KLF12: variants seen among roughly 807,000 people sequenced by gnomAD.
KLF12 encodes Krueppel-like factor 12.
A neutral mutation model predicts 37.8 loss-of-function variants in KLF12; 9 were observed. The ratio of observed to expected loss-of-function variants is 0.24; its 90% CI spans 0.14 to 0.42. The LOEUF (loss-of-function observed/expected upper bound fraction) is 0.42, where lower values mean the gene tolerates loss of function less well. Ranked by LOEUF, KLF12 falls within the 10% of genes least tolerant of loss-of-function variation. The probability of loss-of-function intolerance (pLI) is 1.00; values close to 1 mark genes in which losing one functional copy is unlikely to be tolerated. For synonymous variants in KLF12, 208 were observed against 202.1 expected, an observed-to-expected ratio of 1.03 and a Z score of -0.25; for missense variants, 411 against 516.0, an observed-to-expected ratio of 0.80 and a Z score of 1.97.
intron 1 of KLF12, among the ~76,000 whole-genome samples, chr13:74,050,713 C>G (rs571481416): frequency 3.0e-4 from 46 of 152,242 alleles, no homozygotes; most frequent in Non-Finnish European, 5.9e-4. Flanking sequence ...AAGCAAACAT[C>G]AACAAATGAA....
intron 3 of KLF12, among the ~76,000 whole-genome samples, chr13:73,868,327 TGGGGGGGGG>T (rs373936784): frequency 5.6e-5 from 2 of 35,974 alleles, no homozygotes; most frequent in African/African-American, 2.8e-4. Flanking sequence ...GCGGGGGCGG[TGGGGGGGGG>T]GGGTGATTTC....
intron 3 of KLF12, among the ~76,000 whole-genome samples, chr13:73,882,105 G>T (rs1887010967): frequency 6.6e-6 from 1 of 152,110 alleles, no homozygotes; most frequent in African/African-American, 2.4e-5. Context: ...GAGGAGGGGT[G>T]GCTATGCTTG....
At chr13:74,199,334 A>G in the KLF12 span, among the ~76,000 whole-genome samples, 2 of 152,224 alleles carry the variant, frequency 1.3e-5, no homozygotes, top group Non-Finnish European at 2.9e-5. Flanking sequence ...TTCAACAGTC[A>G]CATTGTTCTC....
At chr13:73,725,525 T>C (rs991180434) in intron 6 of KLF12, among the ~76,000 whole-genome samples, 2 of 152,120 alleles carry the variant, frequency 1.3e-5, no homozygotes, top group South Asian at 2.1e-4. Context: ...AACTATGTGA[T>C]AGTCAAACCT....
intron 2 of KLF12, among the ~76,000 whole-genome samples, chr13:73,949,749 T>C (rs555496714): frequency 2.6e-4 from 40 of 152,346 alleles, no homozygotes; most frequent in African/African-American, 8.9e-4. Context: ...CTCAGTTTCA[T>C]AGAGGGCATA....
chr13:74,003,168 T>C (rs1369640545), intron 1 of KLF12, among the ~76,000 whole-genome samples: 1 of 152,188 alleles, frequency 6.6e-6, no homozygotes, highest in Non-Finnish European at 1.5e-5. Context: ...CATAGGGAGC[T>C]CTGGTGAAAG....
rs142269567 is a variant in KLF12 at position 74,051,177 on chromosome 13, C to T, written c.-31-56124G>A. ...CCATATGATCTACCAATCCCACTAC[C>T]GAGTATGTAACCAAAGTAAATGAAA... On this transcript the variant is annotated intron_variant, in intron 1 of 7. Coordinates refer to ENST00000377669, the MANE Select transcript of KLF12 (RefSeq NM_007249.5). 2.5e-3 allele frequency among the ~76,000 whole-genome samples: 381 copies of T among 152,208 alleles called. 1 individual carries two copies. The highest frequency in any genetic ancestry group is 4.8e-3 in the Non-Finnish European group (328 of 68,024).
chr13:74,110,215 T>C (rs1876895934), intron 1 of KLF12, among the ~76,000 whole-genome samples: 1 of 152,120 alleles, frequency 6.6e-6, no homozygotes, highest in Non-Finnish European at 1.5e-5. Flanking sequence ...ACCCAACACT[T>C]CCTGCCTCGC....
At chr13:73,818,244 T>G (rs1231006593) in intron 4 of KLF12, among the ~76,000 whole-genome samples, 2 of 152,196 alleles carry the variant, frequency 1.3e-5, no homozygotes, top group African/African-American at 4.8e-5. Flanking sequence ...CTCCCAGATT[T>G]AAGTAATTCT....
At position 73,810,959 on chromosome 13, in the gene KLF12, G is replaced by GTT. The variant is rs111970863; in HGVS notation, c.806+2191_806+2192dup. On this transcript the variant is annotated intron_variant, in intron 5 of 7. Coordinates refer to ENST00000377669, the MANE Select transcript of KLF12 (RefSeq NM_007249.5). ...GATACACAAGTAAGAGATAAACAAT[G>GTT]TTTATTTTTTTAATTTTTCTTTCTT... is the stretch of plus-strand genomic sequence containing the variant. 1.9e-3 allele frequency among the ~76,000 whole-genome samples: 201 copies of GTT among 104,358 alleles called. 2 individuals are homozygous for GTT. The highest frequency in any genetic ancestry group is 5.4e-3 in the African/African-American group (156 of 29,050). 68.5% of individuals were successfully genotyped at this position (104,358 alleles called of 152,430 possible). A position where few individuals can be genotyped will look rare whatever the true frequency, so the allele number is the denominator to read the frequency against.
intron 4 of KLF12, among the ~76,000 whole-genome samples, chr13:73,828,618 C>T (rs576903157): frequency 6.6e-6 from 1 of 152,216 alleles, no homozygotes; most frequent in Admixed American, 6.5e-5. Flanking sequence ...GAAATAGTCT[C>T]CCTCCCTGTA....
intron 3 of KLF12, among the ~76,000 whole-genome samples, chr13:73,878,294 G>T (rs1886813847): frequency 6.6e-6 from 1 of 151,918 alleles, no homozygotes; most frequent in Non-Finnish European, 1.5e-5. Context: ...TTATACAAAG[G>T]CTAATAAAAA....
intron 1 of KLF12, among the ~76,000 whole-genome samples, chr13:74,028,256 T>A (rs2138466783): frequency 6.6e-6 from 1 of 152,306 alleles, no homozygotes; most frequent in Non-Finnish European, 1.5e-5. Context: ...ATTTATAATC[T>A]AAAAACTGGA....
chr13:73,817,334 G>GAAAAA (rs1883284891), intron 4 of KLF12, among the ~76,000 whole-genome samples: 2 of 84,638 alleles, frequency 2.4e-5, no homozygotes, highest in African/African-American at 8.3e-5. Context: ...AAAAAGAAAA[G>GAAAAA]AAAAAAAAGA....
rs562265443 is a variant in KLF12, at chr13:73,898,976, G to C, written c.123+45005C>G. ...CTACAAAAGTTATCCAGCCATGCCAGGCAACTGCAGCAGAAAGAGGCAATG... is the reference window on the plus strand; with the variant it reads ...CTACAAAAGTTATCCAGCCATGCCACGCAACTGCAGCAGAAAGAGGCAATG... On this transcript the variant is annotated intron_variant, in intron 3 of 7. Transcript: ENST00000377669. 3.3e-5 allele frequency among the ~76,000 whole-genome samples: 5 copies of C among 152,308 alleles called. No individual in the cohort carries two copies. In the South Asian group the frequency reaches 1.0e-3, roughly 32 times the overall value.
intron 4 of KLF12, among the ~76,000 whole-genome samples, chr13:73,833,925 C>G (rs1231032851): frequency 6.6e-6 from 1 of 152,150 alleles, no homozygotes; most frequent in Non-Finnish European, 1.5e-5. Context: ...CACGTCTACA[C>G]TGGCCACACA....
At chr13:74,275,322 C>T in the KLF12 span, among the ~76,000 whole-genome samples, 1 of 152,090 alleles carries the variant, frequency 6.6e-6, no homozygotes, top group Non-Finnish European at 1.5e-5. Flanking sequence ...CTGAGAGATA[C>T]GGGGAACCAT....
intron 3 of KLF12, among the ~76,000 whole-genome samples, chr13:73,877,906 T>C (rs1479294613): frequency 6.6e-6 from 1 of 152,126 alleles, no homozygotes. Flanking sequence ...CACGCCCAAA[T>C]GTTGCCTTTT....
At chr13:73,813,352 C>T in intron 4 of KLF12, 65 bp from the exon 5 acceptor site, 1 of 1,561,634 alleles carries the variant, frequency 6.4e-7, no homozygotes, top group Non-Finnish European at 8.8e-7. Flanking sequence ...TTGTCCTGGA[C>T]CAACATCAAG....
Sources: allele counts gnomAD v4.1 joint callset (sites outside exome capture counted in the v4.1 genomes callset), GRCh38; gene constraint gnomAD v4.1.1; transcripts MANE v1.5; gene names NCBI Gene and HGNC (gene_info 2026-07-23, HGNC 2026-07-21).